The following ATP6V1H variants were observed in gnomAD, a reference collection of about 807,000 sequenced individuals.
The protein encoded by ATP6V1H is V-type proton ATPase subunit H.
In ATP6V1H, 39 loss-of-function variants were observed where a neutral mutation model predicts 71.7. The observed-to-expected ratio is 0.54, with a 90% confidence interval of 0.42 to 0.71. ATP6V1H has a LOEUF of 0.71. Ranked by LOEUF, ATP6V1H falls within the 30% of genes least tolerant of loss-of-function variation. ATP6V1H has a pLI of 0.00. For synonymous variants in ATP6V1H, 192 were observed against 199.3 expected, an observed-to-expected ratio of 0.96 and a Z score of 0.31; for missense variants, 509 against 594.9, an observed-to-expected ratio of 0.86 and a Z score of 1.50.
intron 9 of ATP6V1H, among the ~76,000 whole-genome samples, chr8:53,785,101 G>C (rs1462132536): frequency 6.6e-6 from 1 of 152,138 alleles, no homozygotes; most frequent in South Asian, 2.1e-4. Context: ...CTAGATTGGG[G>C]AAGTTCTCCT....
chr8:53,810,093 A>G (rs1272179621), intron 7 of ATP6V1H, among the ~76,000 whole-genome samples: 1 of 152,202 alleles, frequency 6.6e-6, no homozygotes, highest in African/African-American at 2.4e-5. Context: ...ACCAATATGG[A>G]TATTAAATGG....
intron 8 of ATP6V1H, among the ~76,000 whole-genome samples, chr8:53,796,876 A>G (rs991269461): frequency 6.6e-6 from 1 of 152,334 alleles, no homozygotes; most frequent in East Asian, 1.9e-4. Flanking sequence ...TTTACAATCT[A>G]AACTTACTGT....
intron 5 of ATP6V1H, among the ~76,000 whole-genome samples, chr8:53,816,673 G>A (rs1417483939): frequency 8.5e-5 from 13 of 152,094 alleles, no homozygotes; most frequent in Non-Finnish European, 4.4e-5. Context: ...GCGCATGCCT[G>A]TAATCCCAGC....
intron 6 of ATP6V1H, among the ~76,000 whole-genome samples, chr8:53,813,491 T>C (rs1455372541): frequency 6.6e-6 from 1 of 152,156 alleles, no homozygotes; most frequent in Admixed American, 6.6e-5. Context: ...AATAATATTG[T>C]TTCTCCTGGT....
At chr8:53,793,019 G>A (rs1481218643) in intron 9 of ATP6V1H, among the ~76,000 whole-genome samples, 2 of 152,098 alleles carry the variant, frequency 1.3e-5, no homozygotes, top group African/African-American at 2.4e-5. Flanking sequence ...CACAGAATAA[G>A]CTCTCAATAG....
At chr8:53,739,392 T>A (rs1222697501) in intron 13 of ATP6V1H, among the ~76,000 whole-genome samples, 2 of 152,120 alleles carry the variant, frequency 1.3e-5, no homozygotes, top group African/African-American at 4.8e-5. Flanking sequence ...CAAAGTAATA[T>A]CCATACCCTT....
intron 3 of ATP6V1H, among the ~76,000 whole-genome samples, chr8:53,830,567 G>A (rs931973368): frequency 1.3e-5 from 2 of 151,524 alleles, no homozygotes; most frequent in African/African-American, 4.9e-5. Flanking sequence ...AAAAAAAAAA[G>A]ATATAAGTTG....
chr8:53,797,245 G>A lies in ATP6V1H; in HGVS notation c.678-1406C>T, dbSNP rs73680309. Reference sequence around the variant, plus strand: ...GGCTATGCCAAGAACAGGAGCTAGAGGCTGACTTCAAGGAAGGAAGAACAG... The same window carrying A: ...GGCTATGCCAAGAACAGGAGCTAGAAGCTGACTTCAAGGAAGGAAGAACAG... On this transcript the variant is annotated intron_variant, in intron 8 of 13. Transcript: ENST00000359530. 5.4e-3 allele frequency among the ~76,000 whole-genome samples: 822 copies of A among 152,284 alleles called. 5 individuals carry two copies. The highest frequency in any genetic ancestry group is 0.019 in the African/African-American group (785 of 41,550).
At chr8:53,777,359 CA>C (rs1808930149) in intron 9 of ATP6V1H, among the ~76,000 whole-genome samples, 1 of 150,942 alleles carries the variant, frequency 6.6e-6, no homozygotes, top group Non-Finnish European at 1.5e-5. Context: ...AACAAAAATA[CA>C]AAGGAAAGCT....
intron 12 of ATP6V1H, among the ~76,000 whole-genome samples, chr8:53,752,540 T>C (rs777610671): frequency 2.6e-5 from 4 of 152,198 alleles, no homozygotes; most frequent in Non-Finnish European, 4.4e-5. Context: ...AGAAACTGAG[T>C]ATAGATACTT....
chr8:53,724,557 C>T (rs978624604), intron 13 of ATP6V1H, among the ~76,000 whole-genome samples: 1 of 151,232 alleles, frequency 6.6e-6, no homozygotes, highest in Non-Finnish European at 1.5e-5. Flanking sequence ...AGCCTCCCCA[C>T]GGCCTGGAAC....
intron 9 of ATP6V1H, among the ~76,000 whole-genome samples, chr8:53,779,565 T>A (rs1484975313): frequency 6.6e-6 from 1 of 151,392 alleles, no homozygotes; most frequent in Non-Finnish European, 1.5e-5. Flanking sequence ...GTTCCTTGTA[T>A]AACTACTTCT....
At chr8:53,801,348 T>C (rs1809902634) in intron 8 of ATP6V1H, among the ~76,000 whole-genome samples, 1 of 152,216 alleles carries the variant, frequency 6.6e-6, no homozygotes, top group Admixed American at 6.6e-5. Flanking sequence ...TTTGGAGGTT[T>C]TCAGGTGCTT....
Position 53,715,930 on chromosome 8 carries a change from T to C in ATP6V1H, c.*34A>G. ...AACACAGTGCTCCCACTACTGGTTC[T>C]GCATTGAGGCGGAGGGGAAGGCCAG... On this transcript the variant is annotated 3_prime_UTR_variant, in exon 14 of 14. Transcript: ENST00000359530. The C allele has an allele frequency of 6.3e-7, 1 of 1,598,090 alleles. No homozygotes were observed.
At chr8:53,776,966 G>A (rs1364418255) in intron 9 of ATP6V1H, among the ~76,000 whole-genome samples, 4 of 152,154 alleles carry the variant, frequency 2.6e-5, no homozygotes, top group Admixed American at 1.3e-4. Flanking sequence ...AAAGGAGTCA[G>A]TGAACATGAA....
chr8:53,768,471 C>G (rs563278504), intron 11 of ATP6V1H, among the ~76,000 whole-genome samples: 2 of 152,268 alleles, frequency 1.3e-5, no homozygotes, highest in Admixed American at 1.3e-4. Context: ...TACACCCACA[C>G]AACAACTCAT....
chr8:53,771,821 C>G (rs1808668692), intron 10 of ATP6V1H, among the ~76,000 whole-genome samples, 168 bp downstream of exon 10: 1 of 152,124 alleles, frequency 6.6e-6, no homozygotes, highest in South Asian at 2.1e-4. Context: ...ACAGTTCTGA[C>G]CAATTGTTGC....
At chr8:53,833,124 T>G (rs1485515084) in intron 2 of ATP6V1H, 38 bp from the exon 3 acceptor site, 3 of 1,525,832 alleles carry the variant, frequency 2.0e-6, no homozygotes, top group Non-Finnish European at 2.7e-6. Context: ...TCAGTAAGAG[T>G]TGAATATGTA....
intron 9 of ATP6V1H, among the ~76,000 whole-genome samples, chr8:53,790,713 G>A (rs1809539498): frequency 6.6e-6 from 1 of 152,132 alleles, no homozygotes; most frequent in African/African-American, 2.4e-5. Context: ...TTGTAGTGAG[G>A]AGGGCCAAGC....
Sources: allele counts gnomAD v4.1 joint callset (sites outside exome capture counted in the v4.1 genomes callset), GRCh38; gene constraint gnomAD v4.1.1; transcripts MANE v1.5; gene names NCBI Gene and HGNC (gene_info 2026-07-23, HGNC 2026-07-21).